PRDM15: variants seen among roughly 807,000 people sequenced by gnomAD.
The protein encoded by PRDM15 is PR/SET domain 15.
In PRDM15, 64 loss-of-function variants were observed where a neutral mutation model predicts 128.6. The ratio of observed to expected loss-of-function variants is 0.50; its 90% CI spans 0.41 to 0.61. PRDM15 has a LOEUF of 0.61. Among genes scored for constraint, PRDM15 ranks in the 20% least tolerant of loss-of-function variants. PRDM15 has a pLI of 0.00. For missense variants in PRDM15, 1,242 were observed against 1,569.1 expected (o/e 0.79, Z 3.52); for synonymous variants, 615 against 621.8 (o/e 0.99, Z 0.16).
chr21:41,820,214 G>A (rs370070911), intron 16 of PRDM15, 40 bp from the exon 17 acceptor site: 15 of 1,552,270 alleles, frequency 9.7e-6, no homozygotes, highest in South Asian at 7.9e-5. Flanking sequence ...GCACAGCCTC[G>A]GGGCTCCACG....
Position 41,846,914 on chromosome 21 carries a change from G to C in PRDM15, c.640+176C>G, listed in dbSNP as rs1275224622. ...GGGGTCGGGGGTGGGAAGCGGGACTGCCCAGAAGCTTTAAACCCTGAGAAA... is the reference window on the plus strand; with the variant it reads ...GGGGTCGGGGGTGGGAAGCGGGACTCCCCAGAAGCTTTAAACCCTGAGAAA... On this transcript the variant is annotated intron_variant, in intron 6 of 23. Transcript: ENST00000398548. 4.6e-5 allele frequency among the ~76,000 whole-genome samples: 7 copies of C among 152,292 alleles called. No individual in the cohort carries two copies. The East Asian group carries it at 1.4e-3, about 29-fold the overall frequency.
At chr21:41,874,525 A>ATATATATATATTTT in intron 1 of PRDM15, among the ~76,000 whole-genome samples, 17 of 95,808 alleles carry the variant, frequency 1.8e-4, no homozygotes, top group African/African-American at 2.5e-4. Flanking sequence ...ATATATATAT[A>ATATATATATATTTT]TTTTTTTTTT....
intron 1 of PRDM15, among the ~76,000 whole-genome samples, chr21:41,874,525 A>ATATATATATATATTTTTTTTTTT: frequency 2.1e-5 from 2 of 95,828 alleles, no homozygotes; most frequent in African/African-American, 8.3e-5. Flanking sequence ...ATATATATAT[A>ATATATATATATATTTTTTTTTTT]TTTTTTTTTT....
intron 17 of PRDM15, 39 bp from the exon 18 acceptor site, chr21:41,819,740 T>C (rs993455719): frequency 3.2e-6 from 5 of 1,569,410 alleles, no homozygotes; most frequent in Non-Finnish European, 1.7e-6. Flanking sequence ...GCCGAGCAGC[T>C]CCGACCTGCA....
At chr21:41,878,646 CA>C (rs1393205246) in intron 1 of PRDM15, 6 of 1,233,846 alleles carry the variant, frequency 4.9e-6, no homozygotes, top group Admixed American at 2.5e-5. Flanking sequence ...TCTCTGCCAC[CA>C]AAAGGCTTAC....
Position 41,828,477 on chromosome 21 carries a change from C to CTGTG in PRDM15, c.1367-148_1367-145dup. 1 of 804,102 alleles carries CTGTG rather than the reference C, an allele frequency of 1.2e-6. No homozygotes were observed. The highest frequency in any genetic ancestry group is 1.5e-5 in the South Asian group (1 of 65,852). 49.8% of individuals were successfully genotyped at this position (804,102 alleles called of 1,614,324 possible). ...TGCGTGGCCAGGAAGAAAACAGCAC[C>CTGTG]TGTGTGTCATACACTGTCTACCCCA... On this transcript the variant is annotated intron_variant, in intron 11 of 23. Transcript: ENST00000398548. The surrounding 1 kb of genome is among the most constrained non-coding windows in gnomAD (Gnocchi z 5.7).
chr21:41,815,279 G>T (rs1459311741), intron 19 of PRDM15, among the ~76,000 whole-genome samples: 2 of 152,204 alleles, frequency 1.3e-5, no homozygotes, highest in African/African-American at 4.8e-5. Context: ...CTCTTTTCTG[G>T]ATTCACCATG....
At position 41,825,955 on chromosome 21, in the gene PRDM15, A is replaced by G; in HGVS notation, c.1629+5T>C. 1 of 1,610,160 alleles carries G rather than the reference A, an allele frequency of 6.2e-7. No individual in the cohort carries two copies. The highest frequency in any genetic ancestry group is 8.5e-7 in the Non-Finnish European group (1 of 1,176,492). On this transcript the variant is annotated splice_donor_5th_base_variant and intron_variant, in intron 13 of 23. Coordinates refer to ENST00000398548, the MANE Select transcript of PRDM15 (RefSeq NM_001040424.3). Reference sequence around the variant, plus strand: ...TCAGCGTCCGACGTGGACTGCGAGCATTACCTTGCCACACACCGGGCACCC... The same window carrying G: ...TCAGCGTCCGACGTGGACTGCGAGCGTTACCTTGCCACACACCGGGCACCC...
intron 1 of PRDM15, among the ~76,000 whole-genome samples, chr21:41,868,262 C>T (rs2064084349): frequency 6.6e-6 from 1 of 152,202 alleles, no homozygotes. Flanking sequence ...ATTTTTCCCA[C>T]ACGGGGCTGT....
chr21:41,804,058 G>A (rs1213424569), intron 22 of PRDM15, among the ~76,000 whole-genome samples: 3 of 151,368 alleles, frequency 2.0e-5, no homozygotes, highest in African/African-American at 4.9e-5. Flanking sequence ...TCCGCCCCTG[G>A]GTTCAAGCAA....
At position 41,854,846 on chromosome 21, in the gene PRDM15, C is replaced by A; in HGVS notation, c.286-28G>T. 1.3e-6 allele frequency: 2 copies of A among 1,580,370 alleles called. No individual in the cohort carries two copies. Among genetic ancestry groups the A allele is most frequent in the Non-Finnish European group, 1.7e-6 (2 of 1,159,490 alleles). On this transcript the variant is annotated intron_variant, in intron 4 of 23. Coordinates refer to ENST00000398548, the MANE Select transcript of PRDM15 (RefSeq NM_001040424.3). This position sits in a 1 kb window ranked among gnomAD's most constrained non-coding sequence, Gnocchi z 4.6. ...GAAGGTGAGTCGGCCCATGGAGAAG[C>A]CGGGGAAATGGCTGATTACCCATCT... is the stretch of plus-strand genomic sequence containing the variant.
At chr21:41,838,741 G>A (rs1367880488) in intron 7 of PRDM15, among the ~76,000 whole-genome samples, 2 of 152,170 alleles carry the variant, frequency 1.3e-5, no homozygotes, top group Admixed American at 6.5e-5. Context: ...CTAAATCAGC[G>A]CCCAACAGTG....
Position 41,862,421 on chromosome 21 carries a change from A to T in PRDM15, c.-9-2049T>A, listed in dbSNP as rs1386868495. ...GGGGCAGACCTTGCCTCTGGCCTAC[A>T]CCTCTCACAGACTGCCCACCCCTTC... On this transcript the variant is annotated intron_variant, in intron 1 of 23. Coordinates refer to ENST00000398548, the MANE Select transcript of PRDM15 (RefSeq NM_001040424.3). This position sits in a 1 kb window ranked among gnomAD's most constrained non-coding sequence, Gnocchi z 4.1. 2.0e-5 allele frequency among the ~76,000 whole-genome samples: 3 copies of T among 151,930 alleles called. No homozygotes were observed. The East Asian group carries it at 5.8e-4, about 29-fold the overall frequency.
rs974401963 is a variant in PRDM15, at chr21:41,806,872, T to C, written c.2653-2258A>G. On this transcript the variant is annotated intron_variant, in intron 21 of 23. Coordinates refer to ENST00000398548, the MANE Select transcript of PRDM15 (RefSeq NM_001040424.3). ...ACCACCATCACCACTACCACCGCCA[T>C]CACCATCAGCACCACTACCACCATG... Among the ~76,000 whole-genome samples, 226 of 144,106 alleles carry C rather than the reference T, an allele frequency of 1.6e-3. 1 individual carries two copies. Among genetic ancestry groups the C allele is most frequent in the Middle Eastern group, 0.011 (3 of 266 alleles). The allele number at this position is 144,106 out of a possible 152,430, so 94.5% of individuals were successfully genotyped here.
At chr21:41,875,824 G>A (rs887312208) in intron 1 of PRDM15, among the ~76,000 whole-genome samples, 3 of 152,156 alleles carry the variant, frequency 2.0e-5, no homozygotes, top group Non-Finnish European at 4.4e-5. Context: ...AACGTCTCCC[G>A]AATCATCACC....
At chr21:41,878,854 G>C in intron 1 of PRDM15, 2 of 974,062 alleles carry the variant, frequency 2.1e-6, no homozygotes, top group Non-Finnish European at 2.4e-6. Context: ...CCGGGGCGGC[G>C]AAGACCCTGC....
chr21:41,834,434 GAAC>G (rs755025688), intron 11 of PRDM15: 18 of 1,402,292 alleles, frequency 1.3e-5, no homozygotes, highest in East Asian at 5.0e-5. Context: ...ACCTTAACAA[GAAC>G]AACACAGAGA....
At chr21:41,841,013 C>A (rs1471372877) in intron 6 of PRDM15, among the ~76,000 whole-genome samples, 3 of 152,100 alleles carry the variant, frequency 2.0e-5, no homozygotes, top group African/African-American at 7.2e-5. Context: ...AAAATATGAG[C>A]AGGAGCTAAG....
intron 23 of PRDM15, 115 bp downstream of exon 23, chr21:41,802,597 G>T: frequency 1.2e-6 from 1 of 857,912 alleles, no homozygotes; most frequent in Non-Finnish European, 2.0e-6. Flanking sequence ...TCAACCACAT[G>T]AAGTCCACAT....
Sources: allele counts gnomAD v4.1 joint callset (sites outside exome capture counted in the v4.1 genomes callset), GRCh38; gene constraint gnomAD v4.1.1; non-coding constraint Gnocchi (gnomAD v3.1); transcripts MANE v1.5; gene names NCBI Gene and HGNC (gene_info 2026-07-23, HGNC 2026-07-21).